Variants in TSPAN5 observed in about 807,000 individuals in gnomAD.
TSPAN5 encodes the protein tetraspanin 5.
Under a neutral mutation model 37.1 loss-of-function variants are expected in TSPAN5, and 10 were observed. The observed-to-expected ratio is 0.27, with a 90% CI of 0.17 to 0.46. TSPAN5 has a LOEUF of 0.46. TSPAN5 is among the 20% of genes least tolerant of loss of function. The pLI is 1.00. For missense variants in TSPAN5, 195 were observed against 326.6 expected, an observed-to-expected ratio of 0.60 and a Z score of 3.11; for synonymous variants, 110 against 118.9, an observed-to-expected ratio of 0.93 and a Z score of 0.48.
rs1020790428 is a variant in TSPAN5, at chr4:98,472,311, C to T, written c.*211G>A. 2.9e-5 allele frequency: 13 copies of T among 447,678 alleles called. No homozygotes were observed. Among genetic ancestry groups the T allele is most frequent in the Non-Finnish European group, 4.7e-5 (12 of 254,194 alleles). The allele number at this position is 447,678 out of a possible 1,614,324, so 27.7% of individuals were successfully genotyped here. ...TCATGGCTACAGTAGAGATTCACGG[C>T]GCAACGACTTTCATACTGGTTATTT... On this transcript the variant is annotated 3_prime_UTR_variant, in exon 8 of 8. Coordinates refer to ENST00000305798, the MANE Select transcript of TSPAN5 (RefSeq NM_005723.4).
chr4:98,495,032 G>A (rs188305078), intron 2 of TSPAN5, among the ~76,000 whole-genome samples: 9 of 152,264 alleles, frequency 5.9e-5, no homozygotes, highest in East Asian at 1.9e-4. Flanking sequence ...CAGTGACTGC[G>A]GTAAGACAGC....
chr4:98,592,428 G>GTTTTTT (rs35941064), intron 1 of TSPAN5, among the ~76,000 whole-genome samples: 38 of 119,070 alleles, frequency 3.2e-4, no homozygotes, highest in East Asian at 1.0e-3. Context: ...TCTGTTTTTT[G>GTTTTTT]TTTTTTTTTT....
Position 98,482,044 on chromosome 4 carries a change from G to A in TSPAN5, c.411C>T (p.Asp137=), listed in dbSNP as rs773689448. 5 of 1,613,984 alleles carry A rather than the reference G, an allele frequency of 3.1e-6. 1 individual carries two copies. The highest frequency in any genetic ancestry group is 2.2e-5 in the East Asian group (1 of 44,864). Residue 137 remains aspartate (D), a synonymous_variant, in exon 4 of 8, where the codon GAC becomes GAT. Coordinates refer to ENST00000305798, the MANE Select transcript of TSPAN5 (RefSeq NM_005723.4). ...INNNIRAYRD[D]IDLQNLIDFT... Reference sequence around the variant, plus strand: ...AGTCTATGAGGTTTTGCAAATCAATGTCATCCCGATATGCTCTGATGTTGT... The same window carrying A: ...AGTCTATGAGGTTTTGCAAATCAATATCATCCCGATATGCTCTGATGTTGT...
intron 1 of TSPAN5, among the ~76,000 whole-genome samples, chr4:98,628,050 T>G (rs998593394): frequency 2.0e-5 from 3 of 152,154 alleles, no homozygotes; most frequent in Admixed American, 6.5e-5. Flanking sequence ...CAAACACCAG[T>G]GCAATAATAA....
intron 1 of TSPAN5, among the ~76,000 whole-genome samples, chr4:98,644,609 C>T (rs141506028): frequency 5.9e-5 from 9 of 152,128 alleles, no homozygotes; most frequent in African/African-American, 2.2e-4. Flanking sequence ...CCCACTAACT[C>T]GTCATTGAAC....
intron 1 of TSPAN5, among the ~76,000 whole-genome samples, chr4:98,518,966 A>G (rs1449117783): frequency 6.6e-6 from 1 of 152,246 alleles, no homozygotes; most frequent in Admixed American, 6.5e-5. Flanking sequence ...TTTTAAGCAA[A>G]ACAAGTTATC....
At chr4:98,597,481 G>C (rs1248121916) in intron 1 of TSPAN5, among the ~76,000 whole-genome samples, 1 of 47,370 alleles carries the variant, frequency 2.1e-5, no homozygotes, top group Admixed American at 2.9e-4. Flanking sequence ...TGCTGGTGAG[G>C]AACTGCGTTC....
chr4:98,475,742 C>T (rs1040088886), intron 7 of TSPAN5, among the ~76,000 whole-genome samples: 6 of 152,150 alleles, frequency 3.9e-5, no homozygotes, highest in Non-Finnish European at 7.3e-5. Flanking sequence ...GTAATCCCAG[C>T]ACTTTGGGAG....
intron 1 of TSPAN5, among the ~76,000 whole-genome samples, chr4:98,635,270 A>C (rs67310180): frequency 0.21 from 32,068 of 152,150 alleles, 3,810 homozygotes; most frequent in South Asian, 0.41. Context: ...AAACCCCCTT[A>C]AGGTCCTATC....
chr4:98,635,645 CG>C (rs907321446), intron 1 of TSPAN5, among the ~76,000 whole-genome samples: 1 of 151,880 alleles, frequency 6.6e-6, no homozygotes, highest in African/African-American at 2.4e-5. Context: ...AGGTGCTGAA[CG>C]GGGGAAAAAA....
At chr4:98,546,840 A>C (rs766011004) in intron 1 of TSPAN5, among the ~76,000 whole-genome samples, 2 of 152,234 alleles carry the variant, frequency 1.3e-5, no homozygotes, top group Non-Finnish European at 2.9e-5. Flanking sequence ...TTAACTAAAT[A>C]TTAGAGACTA....
Position 98,642,990 on chromosome 4 carries a change from A to T in TSPAN5, c.81+15156T>A, listed in dbSNP as rs565681945. On this transcript the variant is annotated intron_variant, in intron 1 of 7. Transcript: ENST00000305798. ...AAGACAGATATTTTTTGTAAATTTA[A>T]TGTAGCCTAAGTATAGTGTTAATGT... 9.8e-5 allele frequency among the ~76,000 whole-genome samples: 15 copies of T among 152,290 alleles called. No individual in the cohort carries two copies. The South Asian group carries it at 3.1e-3, about 32-fold the overall frequency.
intron 1 of TSPAN5, among the ~76,000 whole-genome samples, chr4:98,623,349 G>C (rs1178187651): frequency 2.0e-5 from 3 of 152,194 alleles, no homozygotes; most frequent in Non-Finnish European, 2.9e-5. Context: ...GTATCACTAA[G>C]AAATCAACAA....
At chr4:98,490,259 C>G (rs1439366072) in intron 2 of TSPAN5, among the ~76,000 whole-genome samples, 1 of 152,144 alleles carries the variant, frequency 6.6e-6, no homozygotes, top group Non-Finnish European at 1.5e-5. Context: ...AAGCAACAAG[C>G]TAGCAAACAT....
intron 1 of TSPAN5, among the ~76,000 whole-genome samples, chr4:98,523,727 C>T (rs779450087): frequency 5.9e-5 from 9 of 152,228 alleles, no homozygotes; most frequent in African/African-American, 1.2e-4. Context: ...GCATAAGCCA[C>T]CGTGCCCAGC....
intron 1 of TSPAN5, among the ~76,000 whole-genome samples, chr4:98,653,491 C>T (rs1757233348): frequency 1.3e-5 from 2 of 152,110 alleles, no homozygotes; most frequent in Admixed American, 6.6e-5. Context: ...ATCATTCCAC[C>T]GTTTCCATTG....
chr4:98,643,845 G>A lies in TSPAN5; in HGVS notation c.81+14301C>T, dbSNP rs143997125. On this transcript the variant is annotated intron_variant, in intron 1 of 7. Transcript: ENST00000305798. ...AAACACTATTTTCCCTAGGATTCCA[G>A]TTATGAGATTAAAAACAAAAACAGA... Among the ~76,000 whole-genome samples, 80 of 152,326 alleles carry A rather than the reference G, an allele frequency of 5.3e-4. 3 individuals carry two copies. The East Asian group carries it at 0.014, about 27-fold the overall frequency.
Position 98,482,164 on chromosome 4 carries a change from G to A in TSPAN5, c.291C>T (p.Phe97=), listed in dbSNP as rs763935746. The A allele has an allele frequency of 6.2e-7, 1 of 1,613,590 alleles. No homozygotes were observed. The highest frequency in any genetic ancestry group is 8.5e-7 in the Non-Finnish European group (1 of 1,179,866). The part of the protein sequence containing the change: ...NTFLLKFFSV[F]LGIIFFLELT... ...GCTCCAGGAAGAAAATAATTCCCAG[G>A]AACACAGAAAACTAAGATAAAAGAC... Residue 97 remains phenylalanine (F), a synonymous_variant, in exon 4 of 8, where the codon TTC becomes TTT. Coordinates refer to ENST00000305798, the MANE Select transcript of TSPAN5 (RefSeq NM_005723.4).
intron 1 of TSPAN5, among the ~76,000 whole-genome samples, chr4:98,590,980 G>C (rs1354242224): frequency 6.6e-6 from 1 of 151,988 alleles, no homozygotes; most frequent in African/African-American, 2.4e-5. Flanking sequence ...TGTACATCAA[G>C]TAGGAAACCA....
Sources: gnomAD v4.1 joint callset for allele counts (sites outside exome capture counted in the v4.1 genomes callset) on GRCh38, gnomAD v4.1.1 for gene constraint, MANE v1.5 for transcripts, NCBI Gene and HGNC (gene_info 2026-07-23, HGNC 2026-07-21) for gene names.